The following HMGA2 variants were observed in gnomAD, a reference collection of about 807,000 sequenced individuals.
HMGA2 encodes high mobility group protein HMGI-C.
A neutral mutation model predicts 19.1 loss-of-function variants in HMGA2; 8 were observed. The ratio of observed to expected loss-of-function variants is 0.42; its 90% CI spans 0.25 to 0.76. The LOEUF (loss-of-function observed/expected upper bound fraction) is 0.76, where lower values mean the gene tolerates loss of function less well. Ranked by LOEUF, HMGA2 falls within the 30% of genes least tolerant of loss-of-function variation. HMGA2 has a pLI of 0.28. For synonymous variants in HMGA2, 60 were observed against 48.8 expected (o/e 1.23, Z -0.96); for missense variants, 109 against 136.3 (o/e 0.80, Z 1.00).
intron 3 of HMGA2, among the ~76,000 whole-genome samples, chr12:65,947,848 G>A (rs1399670797): frequency 6.6e-6 from 1 of 152,240 alleles, no homozygotes; most frequent in Non-Finnish European, 1.5e-5. Flanking sequence ...TTGCAGGTCT[G>A]ACTCTTGTCC....
intron 3 of HMGA2, among the ~76,000 whole-genome samples, chr12:65,903,947 A>T (rs1206349892): frequency 6.6e-6 from 1 of 152,240 alleles, no homozygotes; most frequent in Non-Finnish European, 1.5e-5. Context: ...TTCCTAGTGG[A>T]GATAAAGAGG....
intron 3 of HMGA2, among the ~76,000 whole-genome samples, chr12:65,865,422 A>G (rs1419396358): frequency 6.6e-6 from 1 of 152,194 alleles, no homozygotes; most frequent in Non-Finnish European, 1.5e-5. Context: ...GTACTTAGTA[A>G]TAATTGAACA....
chr12:65,830,988 A>C (rs1870450901), intron 2 of HMGA2: 1 of 151,906 alleles, frequency 6.6e-6, no homozygotes, highest in Admixed American at 6.6e-5. Context: ...CTGAGTGCTC[A>C]AAATTTGTCC....
chr12:65,825,345 G>A lies in HMGA2; in HGVS notation c.75G>A (p.Gln25=), dbSNP rs1368782797. ...GACAACCTGCCGCCCCAGCGCCTCA[G>A]AAGAGAGGACGCGGCCGCCCCAGGA... ...AQGQPAAPAP[Q]KRGRGRPRKQ... is the part of the protein sequence containing the mutation. Residue 25 remains glutamine, a synonymous_variant, in exon 1 of 5, where the codon CAG becomes CAA. Coordinates refer to ENST00000403681, the MANE Select transcript of HMGA2 (RefSeq NM_003483.6). This position sits in a 1 kb window ranked among gnomAD's most constrained non-coding sequence, Gnocchi z 4.4. 6.5e-7 allele frequency: 1 copy of A among 1,537,084 alleles called. No homozygotes were observed. Among genetic ancestry groups the A allele is most frequent in the Non-Finnish European group, 8.7e-7 (1 of 1,145,586 alleles).
intron 3 of HMGA2, among the ~76,000 whole-genome samples, chr12:65,890,316 G>A (rs1031025740): frequency 5.9e-5 from 9 of 152,076 alleles, no homozygotes; most frequent in African/African-American, 2.2e-4. Flanking sequence ...CAGCACCTGA[G>A]GCATATTCCT....
At chr12:65,841,688 T>C (rs1871003999) in intron 3 of HMGA2, among the ~76,000 whole-genome samples, 1 of 152,250 alleles carries the variant, frequency 6.6e-6, no homozygotes. Context: ...GGTATATGGG[T>C]TAGAAGCCAA....
chr12:65,882,526 AAGCC>A (rs1387377301), intron 3 of HMGA2, among the ~76,000 whole-genome samples: 1 of 152,196 alleles, frequency 6.6e-6, no homozygotes, highest in Non-Finnish European at 1.5e-5. Flanking sequence ...AGCAGTGACC[AAGCC>A]AGGAGTAGAA....
intron 3 of HMGA2, among the ~76,000 whole-genome samples, chr12:65,869,275 C>T (rs571273839): frequency 1.6e-4 from 24 of 152,260 alleles, no homozygotes; most frequent in Non-Finnish European, 2.6e-4. Context: ...TATGGTGGAT[C>T]ACAGAGCAAC....
At chr12:65,845,080 G>A (rs1446248973) in intron 3 of HMGA2, among the ~76,000 whole-genome samples, 2 of 151,984 alleles carry the variant, frequency 1.3e-5, no homozygotes, top group Non-Finnish European at 2.9e-5. Flanking sequence ...TCACCTTACT[G>A]TAAGTATTTA....
At chr12:65,878,138 C>A (rs538038734) in intron 3 of HMGA2, among the ~76,000 whole-genome samples, 1 of 152,324 alleles carries the variant, frequency 6.6e-6, no homozygotes, top group Non-Finnish European at 1.5e-5. Flanking sequence ...ATTCACACAT[C>A]CCCACTATGA....
chr12:65,836,262 G>A (rs1157436297), intron 2 of HMGA2, among the ~76,000 whole-genome samples: 30 of 152,104 alleles, frequency 2.0e-4, no homozygotes, highest in Non-Finnish European at 1.5e-5. Flanking sequence ...GAGAGGCTGA[G>A]GCAGGAGAAT....
intron 3 of HMGA2, among the ~76,000 whole-genome samples, chr12:65,853,009 G>A (rs2120934220): frequency 6.6e-6 from 1 of 152,280 alleles, no homozygotes; most frequent in Middle Eastern, 3.4e-3. Flanking sequence ...GGATGGCTTG[G>A]AGTGGAAATG....
intron 3 of HMGA2, among the ~76,000 whole-genome samples, chr12:65,932,803 T>C (rs1175284644): frequency 1.3e-5 from 2 of 152,226 alleles, no homozygotes; most frequent in African/African-American, 4.8e-5. Context: ...TCTCTGGGCA[T>C]TGTGACAGGT....
chr12:65,942,289 T>C (rs1195130228), intron 3 of HMGA2, among the ~76,000 whole-genome samples: 1 of 152,242 alleles, frequency 6.6e-6, no homozygotes, highest in Non-Finnish European at 1.5e-5. Context: ...ATTTATTCAT[T>C]TTCCTGTGCT....
chr12:65,921,125 A>G (rs1202377268), intron 3 of HMGA2, among the ~76,000 whole-genome samples: 1 of 152,240 alleles, frequency 6.6e-6, no homozygotes, highest in African/African-American at 2.4e-5. Flanking sequence ...GACTGGTGGC[A>G]TTTTGCCACT....
chr12:65,842,905 A>C (rs2120893506), intron 3 of HMGA2: 2 of 1,220,506 alleles, frequency 1.6e-6, no homozygotes, highest in African/African-American at 1.5e-5. Context: ...TGAAGTAATA[A>C]AGTTGTTAAC....
intron 2 of HMGA2, among the ~76,000 whole-genome samples, chr12:65,832,434 C>T (rs559914785): frequency 1.3e-5 from 2 of 152,118 alleles, no homozygotes; most frequent in South Asian, 4.1e-4. Flanking sequence ...TCATTTTTAT[C>T]TCAAGTTCTC....
intron 3 of HMGA2, among the ~76,000 whole-genome samples, chr12:65,914,535 C>T (rs952015614): frequency 3.3e-5 from 5 of 150,796 alleles, no homozygotes; most frequent in Non-Finnish European, 5.9e-5. Flanking sequence ...GGAGAGATAC[C>T]TAATGCTAGA....
intron 3 of HMGA2, among the ~76,000 whole-genome samples, chr12:65,906,678 C>G (rs1462241924): frequency 6.6e-6 from 1 of 151,682 alleles, no homozygotes; most frequent in East Asian, 1.9e-4. Context: ...CTGGTGGTAC[C>G]CACTAGAAGG....
Sources: allele counts gnomAD v4.1 joint callset (sites outside exome capture counted in the v4.1 genomes callset), GRCh38; gene constraint gnomAD v4.1.1; non-coding constraint Gnocchi (gnomAD v3.1); transcripts MANE v1.5; gene names NCBI Gene and HGNC (gene_info 2026-07-23, HGNC 2026-07-21).